Variants in UGT2B11 observed in about 807,000 individuals in gnomAD.
UGT2B11 encodes UDP glucuronosyltransferase family 2 member B11.
Under a neutral mutation model 51.7 loss-of-function variants are expected in UGT2B11, and 49 were observed. The ratio of observed to expected loss-of-function variants is 0.95; its 90% CI spans 0.75 to 1.20. The LOEUF (loss-of-function observed/expected upper bound fraction) is 1.20, where lower values mean the gene tolerates loss of function less well. Ranked by LOEUF, UGT2B11 falls within the 50% of genes most tolerant of loss-of-function variation. UGT2B11 has a pLI of 0.00. For synonymous variants in UGT2B11, 273 were observed against 209.0 expected, an observed-to-expected ratio of 1.31 and a Z score of -2.64; for missense variants, 810 against 622.1, an observed-to-expected ratio of 1.30 and a Z score of -3.21.
chr4:69,217,983 G>T (rs11930135), upstream of UGT2B11, among the ~76,000 whole-genome samples: 1 of 151,878 alleles, frequency 6.6e-6, no homozygotes, highest in African/African-American at 2.4e-5. Flanking sequence ...CTCTGCCTTC[G>T]TGACCTAAAC....
chr4:69,205,431 C>T (rs1449908631), intron 4 of UGT2B11, 49 bp downstream of exon 4: 2 of 1,583,714 alleles, frequency 1.3e-6, no homozygotes, highest in Admixed American at 1.8e-5. Context: ...CATTAACCCT[C>T]TAATGTGCAG....
upstream of UGT2B11, chr4:69,214,923 A>T (rs565287949): frequency 1.3e-5 from 11 of 842,382 alleles, no homozygotes; most frequent in Admixed American, 3.2e-5. Flanking sequence ...TGTTTCTTTT[A>T]TGTTTATATT....
At chr4:69,213,528 G>A (rs1722152266) in intron 1 of UGT2B11, among the ~76,000 whole-genome samples, 1 of 151,764 alleles carries the variant, frequency 6.6e-6, no homozygotes, top group African/African-American at 2.4e-5. Context: ...TCTCTCTACT[G>A]TGAAGGAAAC....
At chr4:69,210,678 T>C (rs896816182) in intron 2 of UGT2B11, among the ~76,000 whole-genome samples, 7 of 151,580 alleles carry the variant, frequency 4.6e-5, no homozygotes, top group African/African-American at 1.5e-4. Flanking sequence ...TCAAGAGTAA[T>C]GTAGAGTGAC....
In UGT2B11 at chr4:69,213,515, A is replaced by C. The variant is rs527866134; in HGVS notation, c.721+487T>G. Reference sequence around the variant, plus strand: ...CTTTTGCATCTGAGATGTAGACATTATCTCTCTCTACTGTGAAGGAAACCT... The same window carrying C: ...CTTTTGCATCTGAGATGTAGACATTCTCTCTCTCTACTGTGAAGGAAACCT... On this transcript the variant is annotated intron_variant, in intron 1 of 5. Coordinates refer to ENST00000446444, the MANE Select transcript of UGT2B11 (RefSeq NM_001073.3). Among the ~76,000 whole-genome samples, 12 of 151,778 alleles carry C rather than the reference A, an allele frequency of 7.9e-5. No individual in the cohort carries two copies. The East Asian group carries it at 2.1e-3, about 27-fold the overall frequency.
chr4:69,200,312 A>ATTTTT lies in UGT2B11; in HGVS notation c.*123_*127dup, dbSNP rs11340393. 2.8e-3 allele frequency: 2,293 copies of ATTTTT among 817,298 alleles called. 4 individuals carry two copies. The highest frequency in any genetic ancestry group is 6.3e-3 in the South Asian group (119 of 18,954). 50.6% of individuals were successfully genotyped at this position (817,298 alleles called of 1,614,324 possible). On this transcript the variant is annotated 3_prime_UTR_variant, in exon 6 of 6. Transcript: ENST00000446444. ...TTTACTTGACAAGGTAGATTTGAAAATTTTTTTTTTTTTTTTTTTTTTGTC... is the reference window on the plus strand; with the variant it reads ...TTTACTTGACAAGGTAGATTTGAAAATTTTTTTTTTTTTTTTTTTTTTTTTTTGTC...
chr4:69,204,888 G>A (rs191245592), intron 4 of UGT2B11, among the ~76,000 whole-genome samples: 16 of 151,804 alleles, frequency 1.1e-4, no homozygotes, highest in Admixed American at 4.6e-4. Flanking sequence ...AATGAAAAGT[G>A]CATTCTAGAT....
intron 3 of UGT2B11, among the ~76,000 whole-genome samples, chr4:69,208,066 A>G (rs1721922557): frequency 6.6e-6 from 1 of 151,570 alleles, no homozygotes; most frequent in East Asian, 2.0e-4. Flanking sequence ...AATAACCATG[A>G]GTCTCAAGTT....
chr4:69,222,970 G>C, the UGT2B11 span, among the ~76,000 whole-genome samples: 1 of 152,300 alleles, frequency 6.6e-6, no homozygotes, highest in South Asian at 2.1e-4. Context: ...CCCTGAGTAT[G>C]GAGGCAATTG....
the UGT2B11 span, among the ~76,000 whole-genome samples, chr4:69,223,905 T>C: frequency 1.1e-4 from 16 of 152,300 alleles, no homozygotes; most frequent in African/African-American, 3.8e-4. Context: ...CCACAGATTG[T>C]ACTTGAGAGG....
At chr4:69,210,861 T>G (rs1395432310) in intron 2 of UGT2B11, among the ~76,000 whole-genome samples, 1 of 151,646 alleles carries the variant, frequency 6.6e-6, no homozygotes, top group Admixed American at 6.6e-5. Context: ...CATTGAAGAA[T>G]GCTTACTTTG....
At position 69,214,582 on chromosome 4, in the gene UGT2B11, A is replaced by G; in HGVS notation, c.141T>C (p.Val47=). 1 of 1,613,348 alleles carries G rather than the reference A, an allele frequency of 6.2e-7. No individual in the cohort carries two copies. The highest frequency in any genetic ancestry group is 8.5e-7 in the Non-Finnish European group (1 of 1,179,484). ...MNMKTILKEL[V]QRGHEVTVLA... ...GTACAGTCACCTCATGACCTCTCTG[A>G]ACAAGCTCTTTCAGGATTGTCTTCA... The change falls in exon 1 of 6, where the codon GTT becomes GTC. Residue 47 remains valine (V), a synonymous_variant. Coordinates refer to ENST00000446444, the MANE Select transcript of UGT2B11 (RefSeq NM_001073.3).
In UGT2B11 at chr4:69,214,268, G is replaced by T; in HGVS notation, c.455C>A (p.Ala152Asp). Residue 152 changes from alanine (A) to aspartate (D), a missense_variant, in exon 1 of 6, where the codon GCT becomes GAT. Coordinates refer to ENST00000446444, the MANE Select transcript of UGT2B11 (RefSeq NM_001073.3). ...CAGCAGCTCACCACAGGGAAAAACA[G>T]CATCTGCAAAAACGATGTCAAATCT... ...ESRFDIVFAD[A>D]VFPCGELLAA... 1 of 1,613,226 alleles carries T rather than the reference G, an allele frequency of 6.2e-7. No individual in the cohort carries two copies. The highest frequency in any genetic ancestry group is 8.5e-7 in the Non-Finnish European group (1 of 1,179,484).
intron 2 of UGT2B11, among the ~76,000 whole-genome samples, chr4:69,210,016 C>G (rs1374516129): frequency 6.6e-6 from 1 of 150,786 alleles, no homozygotes; most frequent in Admixed American, 6.6e-5. Context: ...GGATTTTGTC[C>G]TATTTATATA....
intron 5 of UGT2B11, among the ~76,000 whole-genome samples, chr4:69,202,412 T>A (rs990051418): frequency 3.4e-4 from 51 of 151,836 alleles, no homozygotes; most frequent in African/African-American, 1.2e-3. Context: ...AGTAATAGTA[T>A]TTTTAACCTC....
chr4:69,220,915 C>T, the UGT2B11 span, among the ~76,000 whole-genome samples: 20 of 152,200 alleles, frequency 1.3e-4, no homozygotes, highest in South Asian at 1.4e-3. Flanking sequence ...ACTAGAGAGT[C>T]GGTAGCTAAT....
Position 69,214,494 on chromosome 4 carries a change from A to C in UGT2B11, c.229T>G (p.Tyr77Asp), listed in dbSNP as rs1319226227. 6.2e-7 allele frequency: 1 copy of C among 1,613,200 alleles called. No individual in the cohort carries two copies. The highest frequency in any genetic ancestry group is 2.2e-5 in the East Asian group (1 of 44,812). ...NDASTLKFEV[Y>D]PTSLTKTEFE... ...TCAGTTTTAGTTAAAGATGTAGGAT[A>C]AACTTCAAATTTAAGAGTGGATGCA... The change falls in exon 1 of 6, where the codon TAT (tyrosine) becomes GAT (aspartate). Residue 77 changes from tyrosine (Y) to aspartate (D), a missense_variant. Coordinates refer to ENST00000446444, the MANE Select transcript of UGT2B11 (RefSeq NM_001073.3).
chr4:69,200,767 C>T (rs1721629047), intron 5 of UGT2B11, 48 bp from the exon 6 acceptor site: 3 of 1,550,702 alleles, frequency 1.9e-6, no homozygotes, highest in Non-Finnish European at 2.6e-6. Context: ...AGTTAATTTG[C>T]CTGTACATAT....
Position 69,214,069 on chromosome 4 carries a change from A to T in UGT2B11, c.654T>A (p.Leu218=). ...MERVKNMIYV[L]YFDFWFQMSD... ...ACATTTGGAACCAAAAGTCAAAATA[A>T]AGCACATAGATCATATTTTTTACCC... Residue 218 remains leucine, a synonymous_variant, in exon 1 of 6, where the codon CTT becomes CTA. Coordinates refer to ENST00000446444, the MANE Select transcript of UGT2B11 (RefSeq NM_001073.3). The T allele has an allele frequency of 1.2e-6, 2 of 1,608,248 alleles. No individual in the cohort carries two copies. Among genetic ancestry groups the T allele is most frequent in the Non-Finnish European group, 1.7e-6 (2 of 1,177,662 alleles).
Sources: gnomAD v4.1 joint callset for allele counts (sites outside exome capture counted in the v4.1 genomes callset) on GRCh38, gnomAD v4.1.1 for gene constraint, MANE v1.5 for transcripts, NCBI Gene and HGNC (gene_info 2026-07-23, HGNC 2026-07-21) for gene names.